The following ZMYM6 variants were observed in gnomAD, a reference collection of about 807,000 sequenced individuals.
The protein encoded by ZMYM6 is zinc finger MYM-type containing 6, also known as zinc finger MYM-type protein 6.
A neutral mutation model predicts 134.0 loss-of-function variants in ZMYM6; 90 were observed. That is an observed-to-expected ratio of 0.67 (90% CI 0.57 to 0.80). ZMYM6 has a LOEUF of 0.80. Among genes scored for constraint, ZMYM6 ranks in the 30% least tolerant of loss-of-function variants. The probability of loss-of-function intolerance (pLI) is 0.00; values close to 1 mark genes in which losing one functional copy is unlikely to be tolerated. For synonymous variants in ZMYM6, 481 were observed against 524.1 expected, an observed-to-expected ratio of 0.92 and a Z score of 1.12; for missense variants, 1,362 against 1,533.9, an observed-to-expected ratio of 0.89 and a Z score of 1.87.
Position 35,019,352 on chromosome 1 carries a change from C to T in ZMYM6, c.428+1G>A. On this transcript the variant is annotated splice_donor_variant, in intron 4 of 15. Coordinates refer to ENST00000357182, the MANE Select transcript of ZMYM6 (RefSeq NM_007167.4). LOFTEE classifies it high-confidence loss of function. ...AAAAAGGGATGTTAAGAATTTTATACTTCGAGCAGTTTGTGCAGGTTTTCT... is the reference window on the plus strand; with the variant it reads ...AAAAAGGGATGTTAAGAATTTTATATTTCGAGCAGTTTGTGCAGGTTTTCT... 2 of 1,614,170 alleles carry T rather than the reference C, an allele frequency of 1.2e-6. No individual in the cohort carries two copies. The highest frequency in any genetic ancestry group is 8.5e-7 in the Non-Finnish European group (1 of 1,180,036).
intron 2 of ZMYM6, 101 bp from the exon 3 acceptor site, chr1:35,020,568 C>CT (rs942213398): frequency 0.047 from 11,394 of 240,924 alleles, 134 homozygotes; most frequent in South Asian, 0.066. Flanking sequence ...TATTCATCTC[C>CT]TTTTTTTTTT....
chr1:34,998,352 G>A (rs919189253), intron 14 of ZMYM6, among the ~76,000 whole-genome samples: 3 of 152,178 alleles, frequency 2.0e-5, no homozygotes, highest in African/African-American at 7.2e-5. Flanking sequence ...AGTACCAATT[G>A]TTTTAACTAC....
chr1:34,998,873 G>T (rs1640832183), intron 14 of ZMYM6, among the ~76,000 whole-genome samples: 1 of 152,102 alleles, frequency 6.6e-6, no homozygotes, highest in South Asian at 2.1e-4. Context: ...CTGTATCCTA[G>T]CATTTTGGGA....
intron 10 of ZMYM6, among the ~76,000 whole-genome samples, chr1:35,009,511 C>T (rs1454064246): frequency 2.0e-5 from 3 of 152,166 alleles, no homozygotes; most frequent in South Asian, 2.1e-4. Flanking sequence ...AGTTCCTCTT[C>T]GCAAATGAGT....
intron 4 of ZMYM6, chr1:35,019,006 G>A: frequency 2.6e-6 from 1 of 386,054 alleles, no homozygotes. Flanking sequence ...TTAAAAGAGT[G>A]ATATTATTTT....
chr1:35,021,663 G>T (rs1454020171), intron 2 of ZMYM6, among the ~76,000 whole-genome samples: 3 of 152,014 alleles, frequency 2.0e-5, no homozygotes, highest in Admixed American at 6.5e-5. Flanking sequence ...AAATCTGAAT[G>T]ATTTAGAGTT....
At chr1:35,016,089 C>T (rs1446560231) in intron 4 of ZMYM6, among the ~76,000 whole-genome samples, 1 of 151,622 alleles carries the variant, frequency 6.6e-6, no homozygotes, top group Non-Finnish European at 1.5e-5. Context: ...GTAGCTGGGA[C>T]ACCAGCACGT....
rs570000075 is a variant in ZMYM6 at position 34,998,460 on chromosome 1, C to T, written c.1992+5508G>A. 6.1e-4 allele frequency among the ~76,000 whole-genome samples: 92 copies of T among 152,026 alleles called. 1 individual carries two copies. The South Asian group carries it at 0.015, about 24-fold the overall frequency. ...CAGAATGTCATTGAAGGTTTTTGAG[C>T]GGAGGAATGACATGATCTGATTTGG... On this transcript the variant is annotated intron_variant, in intron 14 of 15. Coordinates refer to ENST00000357182, the MANE Select transcript of ZMYM6 (RefSeq NM_007167.4).
chr1:35,001,336 G>A (rs1640877928), intron 14 of ZMYM6, among the ~76,000 whole-genome samples: 1 of 146,250 alleles, frequency 6.8e-6, no homozygotes, highest in African/African-American at 2.5e-5. Flanking sequence ...ATAGACTAAA[G>A]TAAAAATATT....
intron 4 of ZMYM6, among the ~76,000 whole-genome samples, chr1:35,015,759 T>C (rs1043336369): frequency 7.3e-6 from 1 of 136,264 alleles, no homozygotes; most frequent in Non-Finnish European, 1.5e-5. Context: ...TATATATATA[T>C]ATGTGGCCAG....
chr1:34,993,246 G>A (rs1640717541), intron 14 of ZMYM6, among the ~76,000 whole-genome samples: 1 of 151,748 alleles, frequency 6.6e-6, no homozygotes, highest in African/African-American at 2.4e-5. Context: ...TGAGTAGCTG[G>A]GACCACAGGC....
chr1:35,027,223 T>G (rs1347684145), intron 2 of ZMYM6, among the ~76,000 whole-genome samples: 10 of 151,922 alleles, frequency 6.6e-5, no homozygotes, highest in Non-Finnish European at 4.4e-5. Context: ...TTTGAAAAGG[T>G]GGAAACAATG....
chr1:35,008,784 A>G lies in ZMYM6; in HGVS notation c.1633T>C (p.Cys545Arg). 6.2e-7 allele frequency: 1 copy of G among 1,614,072 alleles called. No individual in the cohort carries two copies. The highest frequency in any genetic ancestry group is 2.2e-5 in the East Asian group (1 of 44,866). ...GKLEEFCCEDCMSKFTVLFYQ... is the reference protein window; with the variant it reads ...GKLEEFCCEDRMSKFTVLFYQ... ...AACAGAACTGTAAATTTGGACATAC[A>G]ATCTTCACAACAAAACTCTTCTAAC... Residue 545 changes from cysteine (C) to arginine (R), a missense_variant, in exon 11 of 16, where the codon TGT becomes CGT. Physicochemically the swap from Cys to Arg is radical, Grantham distance 180. Coordinates refer to ENST00000357182, the MANE Select transcript of ZMYM6 (RefSeq NM_007167.4).
At chr1:35,006,692 C>A (rs955831529) in intron 12 of ZMYM6, among the ~76,000 whole-genome samples, 22 of 152,136 alleles carry the variant, frequency 1.4e-4, no homozygotes, top group Admixed American at 3.9e-4. Flanking sequence ...AATCAAAAAG[C>A]AATCAAATCT....
At chr1:35,005,742 A>G (rs1438025213) in intron 12 of ZMYM6, among the ~76,000 whole-genome samples, 1 of 152,134 alleles carries the variant, frequency 6.6e-6, no homozygotes, top group African/African-American at 2.4e-5. Context: ...AAAACTTAAC[A>G]TGACAATTTT....
At chr1:35,016,394 AG>A (rs770519743) in intron 4 of ZMYM6, among the ~76,000 whole-genome samples, 2 of 152,236 alleles carry the variant, frequency 1.3e-5, no homozygotes, top group Non-Finnish European at 2.9e-5. Flanking sequence ...AGAACGAGAC[AG>A]GAAGAACAAA....
Position 35,011,043 on chromosome 1 carries a change from G to A in ZMYM6, c.1063-7C>T. ...TTGGCTTGCTAAATACATTCTGAAT[G>A]AAAACAAATAAGGTAAAGATTTTAT... On this transcript the variant is annotated splice_polypyrimidine_tract_variant and splice_region_variant and intron_variant, in intron 8 of 15. Coordinates refer to ENST00000357182, the MANE Select transcript of ZMYM6 (RefSeq NM_007167.4). 6.2e-7 allele frequency: 1 copy of A among 1,609,468 alleles called. No homozygotes were observed. Among genetic ancestry groups the A allele is most frequent in the Non-Finnish European group, 8.5e-7 (1 of 1,178,996 alleles).
chr1:34,987,495 T>A lies in ZMYM6; in HGVS notation c.3587A>T (p.Gln1196Leu), dbSNP rs1185624845. 2 of 1,613,058 alleles carry A rather than the reference T, an allele frequency of 1.2e-6. No individual in the cohort carries two copies. The highest frequency in any genetic ancestry group is 1.7e-6 in the Non-Finnish European group (2 of 1,179,494). ...IIFEHLEGLS[Q>L]VFSDCFPPEQ... ...TGGTGGAAAACAGTCACTGAACACT[T>A]GAGAAAGTCCTTCCAGGTGCTCAAA... Residue 1196 changes from glutamine to leucine, a missense_variant, in exon 16 of 16, where the codon CAA becomes CTA. Gln to Leu is a moderately radical substitution (Grantham distance 113). This residue lies in a region of ZMYM6 where 824 missense variants were observed against 940.9 expected (regional missense o/e 0.88). Coordinates refer to ENST00000357182, the MANE Select transcript of ZMYM6 (RefSeq NM_007167.4).
At chr1:35,014,947 C>T (rs749423243) in intron 5 of ZMYM6, 41 bp downstream of exon 5, 1 of 1,608,748 alleles carries the variant, frequency 6.2e-7, no homozygotes, top group Non-Finnish European at 8.5e-7. Flanking sequence ...AAAAAAAAAT[C>T]TCTTTCAGCA....
Sources: gnomAD v4.1 joint callset for allele counts (sites outside exome capture counted in the v4.1 genomes callset) on GRCh38, gnomAD v4.1.1 for gene constraint, gnomAD v4.1.1 regional missense constraint, MANE v1.5 for transcripts, NCBI Gene and HGNC (gene_info 2026-07-23, HGNC 2026-07-21) for gene names.